SYNE1: variants seen among roughly 807,000 people sequenced by gnomAD.
SYNE1 encodes the protein spectrin repeat containing nuclear envelope protein 1.
A neutral mutation model predicts 1,111.0 loss-of-function variants in SYNE1; 616 were observed. The observed-to-expected ratio is 0.55, with a 90% CI of 0.52 to 0.59. SYNE1 has a LOEUF of 0.59. Among genes scored for constraint, SYNE1 ranks in the 20% least tolerant of loss-of-function variants. The pLI, the probability that SYNE1 is intolerant of heterozygous loss-of-function variation, is 0.00. For missense variants in SYNE1, 10,006 were observed against 10,417.0 expected (o/e 0.96, Z 1.72); for synonymous variants, 3,855 against 3,825.8 (o/e 1.01, Z -0.28).
rs747750981 is a variant in SYNE1 at position 152,233,748 on chromosome 6, A to G, written c.20712+33T>C. ...TTCTCCATGTCAAATAGCTTAAGTC[A>G]GCTATTTCCCACGAAAGCAATCCTT... is the stretch of plus-strand genomic sequence containing the variant. On this transcript the variant is annotated intron_variant, in intron 112 of 145. Transcript: ENST00000367255. 4.3e-6 allele frequency: 7 copies of G among 1,613,514 alleles called. No homozygotes were observed. The African/African-American group carries it at 8.0e-5, about 18-fold the overall frequency.
intron 75 of SYNE1, 71 bp from the exon 76 acceptor site, chr6:152,337,088 G>C (rs2096408067): frequency 6.7e-7 from 1 of 1,497,628 alleles, no homozygotes; most frequent in Admixed American, 1.9e-5. Context: ...ATCAGAGATG[G>C]AACTTTCCAG....
rs186385774 is a variant in SYNE1, at chr6:152,417,782, T to A, written c.5422-767A>T. 4.4e-3 allele frequency among the ~76,000 whole-genome samples: 667 copies of A among 152,044 alleles called. 3 individuals carry two copies. Among genetic ancestry groups the A allele is most frequent in the Middle Eastern group, 0.014 (4 of 292 alleles). ...TAGAAGATGCATGTATGTGAAAAAA[T>A]TTTAAATTTAAAAATTTAAAAGATG... On this transcript the variant is annotated intron_variant, in intron 40 of 145. Transcript: ENST00000367255.
chr6:152,375,336 GAAC>G (rs1216959942), intron 58 of SYNE1, among the ~76,000 whole-genome samples: 1 of 152,188 alleles, frequency 6.6e-6, no homozygotes, highest in Non-Finnish European at 1.5e-5. Context: ...AACTACATAT[GAAC>G]AATACTGTTT....
chr6:152,592,540 A>C (rs937129790), intron 3 of SYNE1, among the ~76,000 whole-genome samples: 3 of 151,774 alleles, frequency 2.0e-5, no homozygotes, highest in Non-Finnish European at 4.4e-5. Flanking sequence ...TAAATTTGGG[A>C]ACAATAGACA....
chr6:152,171,032 C>T (rs576700186), intron 130 of SYNE1, among the ~76,000 whole-genome samples: 279 of 152,284 alleles, frequency 1.8e-3, no homozygotes, highest in South Asian at 5.8e-3. Flanking sequence ...ATGTGCCTTT[C>T]GCCTTCCACC....
chr6:152,463,508 G>A lies in SYNE1; in HGVS notation c.1942C>T (p.Arg648Ter), dbSNP rs1478908449. Residue 648 changes from arginine (R) to a stop codon, truncating the protein, a stop_gained, in exon 19 of 146, where the codon CGA (arginine) becomes TGA (stop). Coordinates refer to ENST00000367255, the MANE Select transcript of SYNE1 (RefSeq NM_182961.4). LOFTEE classifies it high-confidence loss of function. ...QSENAKKDFFRNLPHWIQQHT... is the reference protein window; with the variant it reads ...QSENAKKDFF ...TGCTGAATCCAATGAGGTAAATTTC[G>A]AAAAAAATCCTAAACAATAAATAAT... The A allele has an allele frequency of 3.1e-6, 5 of 1,612,310 alleles. No individual in the cohort carries two copies. Among genetic ancestry groups the A allele is most frequent in the Non-Finnish European group, 3.4e-6 (4 of 1,179,132 alleles).
intron 135 of SYNE1, 108 bp from the exon 136 acceptor site, chr6:152,149,776 CTATT>C: frequency 2.1e-6 from 2 of 930,810 alleles, no homozygotes; most frequent in Non-Finnish European, 3.4e-6. Flanking sequence ...CATGTAGGGG[CTATT>C]TAATTGACCA....
Position 152,285,499 on chromosome 6 carries a change from C to T in SYNE1, c.18013-1327G>A, listed in dbSNP as rs1009437941. Among the ~76,000 whole-genome samples the T allele has an allele frequency of 2.6e-5, 4 of 152,182 alleles. No individual in the cohort carries two copies. The South Asian group carries it at 8.3e-4, about 32-fold the overall frequency. On this transcript the variant is annotated intron_variant, in intron 95 of 145. Transcript: ENST00000367255. The stretch of plus-strand genomic sequence containing the variant: ...GATTCTTGCTGTGAAATAAATCAAA[C>T]TTGTTACTACACTCGTGTAGTCTCA...
chr6:152,203,974 T>A (rs1387901518), intron 126 of SYNE1, among the ~76,000 whole-genome samples: 1 of 152,204 alleles, frequency 6.6e-6, no homozygotes, highest in African/African-American at 2.4e-5. Flanking sequence ...GACAAAAAGT[T>A]TCTCTTTCTG....
At chr6:152,346,921 T>A in intron 73 of SYNE1, 138 bp downstream of exon 73, 1 of 971,298 alleles carries the variant, frequency 1.0e-6, no homozygotes, top group Non-Finnish European at 1.5e-6. Flanking sequence ...GTGAAATTTA[T>A]CCTCGTATTT....
intron 127 of SYNE1, among the ~76,000 whole-genome samples, chr6:152,192,363 A>T (rs149564425): frequency 1.3e-5 from 2 of 152,018 alleles, no homozygotes; most frequent in African/African-American, 4.8e-5. Context: ...TGCAGCTATT[A>T]TTGTATTTGG....
chr6:152,586,116 A>G (rs2099537857), intron 3 of SYNE1, among the ~76,000 whole-genome samples: 1 of 152,184 alleles, frequency 6.6e-6, no homozygotes, highest in African/African-American at 2.4e-5. Flanking sequence ...TATGGTTGGC[A>G]AGTATATTCC....
rs9479299 is a variant in SYNE1 at position 152,337,081 on chromosome 6, A to G, written c.12352-64T>C. On this transcript the variant is annotated intron_variant, in intron 75 of 145. Coordinates refer to ENST00000367255, the MANE Select transcript of SYNE1 (RefSeq NM_182961.4). ...TGGAAACATTTATGGTTAATGAATC[A>G]GAGATGGAACTTTCCAGCTGGCCTG... 0.38 allele frequency: 583,916 copies of G among 1,537,064 alleles called. 115,546 individuals carry two copies. Among genetic ancestry groups the G allele is most frequent in the Admixed American group, 0.45 (23,570 of 52,668 alleles).
intron 3 of SYNE1, among the ~76,000 whole-genome samples, chr6:152,593,670 G>A (rs2099573152): frequency 6.6e-6 from 1 of 152,122 alleles, no homozygotes; most frequent in Admixed American, 6.5e-5. Context: ...AGAAATGCCA[G>A]GTTGAGTCTA....
intron 22 of SYNE1, 87 bp from the exon 23 acceptor site, chr6:152,456,131 A>C (rs2098694231): frequency 3.5e-6 from 5 of 1,422,590 alleles, no homozygotes; most frequent in Non-Finnish European, 3.9e-6. Flanking sequence ...AGATAATAAG[A>C]ACAACATTAT....
At chr6:152,145,400 G>A in intron 137 of SYNE1, 2 of 1,310,334 alleles carry the variant, frequency 1.5e-6, no homozygotes, top group Non-Finnish European at 2.2e-6. Context: ...GAGCCACAAA[G>A]CTGGGAGAGA....
chr6:152,131,990 A>T, intron 144 of SYNE1, 132 bp downstream of exon 144: 2 of 701,108 alleles, frequency 2.9e-6, no homozygotes, highest in Non-Finnish European at 5.0e-6. Context: ...GGGCTGAGGA[A>T]GCGCGCTACC....
At chr6:152,122,901 G>A (rs536614114) in intron 145 of SYNE1, among the ~76,000 whole-genome samples, 7 of 152,280 alleles carry the variant, frequency 4.6e-5, no homozygotes, top group African/African-American at 1.4e-4. Flanking sequence ...TCAACTAAAC[G>A]TAAGTAATTA....
chr6:152,620,047 G>T (rs1407489), intron 3 of SYNE1, among the ~76,000 whole-genome samples: 108,894 of 151,990 alleles, frequency 0.72, 39,028 homozygotes, highest in East Asian at 0.81. Flanking sequence ...CACGCGCACC[G>T]GCTCAGACCT....
Sources: allele counts gnomAD v4.1 joint callset (sites outside exome capture counted in the v4.1 genomes callset), GRCh38; gene constraint gnomAD v4.1.1; transcripts MANE v1.5; gene names NCBI Gene and HGNC (gene_info 2026-07-23, HGNC 2026-07-21).